KRI1: variants seen among roughly 807,000 people sequenced by gnomAD.
KRI1 encodes KRI1 homolog.
A neutral mutation model predicts 97.0 loss-of-function variants in KRI1; 83 were observed. That is an observed-to-expected ratio of 0.86 (90% CI 0.72 to 1.03). The LOEUF (loss-of-function observed/expected upper bound fraction) is 1.03. Among genes scored for constraint, KRI1 ranks in the 50% least tolerant of loss-of-function variants. The probability of loss-of-function intolerance (pLI) is 0.00; values close to 1 mark genes in which losing one functional copy is unlikely to be tolerated. For synonymous variants in KRI1, 371 were observed against 363.5 expected (o/e 1.02, Z -0.23); for missense variants, 916 against 928.4 (o/e 0.99, Z 0.17).
Position 10,553,216 on chromosome 19 carries a change from C to T in KRI1, c.*735G>A, listed in dbSNP as rs1047591625. On this transcript the variant is annotated 3_prime_UTR_variant, in exon 19 of 19. Transcript: ENST00000312962. ...TGCAACCAGTCTGGGGCCATTCAGC[C>T]AGGGACAGAGCCCACAGAGCCCATA... 1.9e-6 allele frequency: 2 copies of T among 1,041,346 alleles called. No homozygotes were observed. The highest frequency in any genetic ancestry group is 1.7e-5 in the South Asian group (1 of 58,408). 64.5% of individuals were successfully genotyped at this position (1,041,346 alleles called of 1,614,324 possible).
At chr19:10,565,098 C>G in intron 2 of KRI1, 64 bp from the exon 3 acceptor site, 1 of 1,056,752 alleles carries the variant, frequency 9.5e-7, no homozygotes, top group Non-Finnish European at 1.5e-6. Flanking sequence ...CTGGCGCCAG[C>G]AGGTGAGCTC....
chr19:10,553,197 C>T lies in KRI1; in HGVS notation c.*754G>A, dbSNP rs982508886. 3 of 1,151,318 alleles carry T rather than the reference C, an allele frequency of 2.6e-6. No homozygotes were observed. The highest frequency in any genetic ancestry group is 3.1e-5 in the African/African-American group (2 of 64,036). The allele number at this position is 1,151,318 out of a possible 1,614,324, so 71.3% of individuals were successfully genotyped here. A position where few individuals can be genotyped will look rare whatever the true frequency, so the allele number is the denominator to read the frequency against. ...TCAGCCCCTCAAGCCCAGCTGCAAC[C>T]AGTCTGGGGCCATTCAGCCAGGGAC... On this transcript the variant is annotated 3_prime_UTR_variant, in exon 19 of 19. Coordinates refer to ENST00000312962, the MANE Select transcript of KRI1 (RefSeq NM_023008.5).
chr19:10,562,009 T>C (rs1916717813), intron 4 of KRI1, among the ~76,000 whole-genome samples, 164 bp from the exon 5 acceptor site: 1 of 149,838 alleles, frequency 6.7e-6, no homozygotes, highest in Admixed American at 6.7e-5. Flanking sequence ...CTGGTGAGTT[T>C]CCAGCGTTTT....
At chr19:10,561,462 C>G (rs1426731226) in intron 6 of KRI1, among the ~76,000 whole-genome samples, 197 bp from the exon 7 acceptor site, 2 of 152,148 alleles carry the variant, frequency 1.3e-5, no homozygotes, top group Non-Finnish European at 2.9e-5. Context: ...ACCTGGCTGG[C>G]TGCCCCAAGA....
In KRI1 at chr19:10,561,732, T is replaced by C. The variant is rs371413420; in HGVS notation, c.439-16A>G. The stretch of plus-strand genomic sequence containing the variant: ...ACGATGTCTCCTGCAGAGAGGGCCA[T>C]AGGTCTCAGGCCAGCCCCAGGCCCC... On this transcript the variant is annotated splice_polypyrimidine_tract_variant and intron_variant, in intron 5 of 18. Transcript: ENST00000312962. 5.0e-6 allele frequency: 8 copies of C among 1,613,912 alleles called. No homozygotes were observed. The highest frequency in any genetic ancestry group is 4.5e-5 in the East Asian group (2 of 44,894).
In KRI1 at chr19:10,553,872, A is replaced by G. The variant is rs1916400192; in HGVS notation, c.*79T>C. 2.5e-6 allele frequency: 3 copies of G among 1,177,930 alleles called. No individual in the cohort carries two copies. The highest frequency in any genetic ancestry group is 3.5e-6 in the Non-Finnish European group (3 of 858,044). 73.0% of individuals were successfully genotyped at this position (1,177,930 alleles called of 1,614,324 possible). ...ACAGATGAGAGGATCTCTGCAGCAGATAGTACTTGTGGGTGCGAGACCTGT... is the reference window on the plus strand; with the variant it reads ...ACAGATGAGAGGATCTCTGCAGCAGGTAGTACTTGTGGGTGCGAGACCTGT... On this transcript the variant is annotated 3_prime_UTR_variant, in exon 19 of 19. Transcript: ENST00000312962.
intron 4 of KRI1, 83 bp from the exon 5 acceptor site, chr19:10,561,928 C>A: frequency 7.8e-7 from 1 of 1,283,148 alleles, no homozygotes; most frequent in Non-Finnish European, 1.1e-6. Flanking sequence ...CTATTCCAAG[C>A]AACAGCTGGC....
Position 10,565,762 on chromosome 19 carries a change from G to C in KRI1, c.123C>G (p.Ser41Arg). Residue 41 changes from serine to arginine, a missense_variant, in exon 2 of 19, where the codon AGC becomes AGG. Physicochemically the swap from Ser to Arg is moderately radical, Grantham distance 110. Around this residue, in one of 3 missense-constraint regions of KRI1, gnomAD observed 173 missense variants for 153.1 expected, o/e 1.13. Coordinates refer to ENST00000312962, the MANE Select transcript of KRI1 (RefSeq NM_023008.5). ...CCGACTCGGAGCTGGAGTCGCTGCTGCTGTCTCGGTCCCCGTAGCGATCCT... is the reference window on the plus strand; with the variant it reads ...CCGACTCGGAGCTGGAGTCGCTGCTCCTGTCTCGGTCCCCGTAGCGATCCT... ...RLKDRYGDRD[S>R]SSDSSSESDS... The C allele has an allele frequency of 1.3e-6, 2 of 1,580,478 alleles. No homozygotes were observed. The highest frequency in any genetic ancestry group is 1.7e-6 in the Non-Finnish European group (2 of 1,163,926).
rs1916816549 is a variant in KRI1 at position 10,564,957 on chromosome 19, C to T, written c.246G>A (p.Gln82=). The stretch of plus-strand genomic sequence containing the variant: ...TTCTGTTATAGAAGGTGGCATCTTT[C>T]TGATAAATGCGGGGGTCCTTCTTCT... ...LLKKKDPRIY[Q]KDATFYNRTA... The change falls in exon 3 of 19, where the codon CAG becomes CAA. Residue 82 remains glutamine, a synonymous_variant. Coordinates refer to ENST00000312962, the MANE Select transcript of KRI1 (RefSeq NM_023008.5). The T allele has an allele frequency of 6.2e-7, 1 of 1,613,502 alleles. No homozygotes were observed. The highest frequency in any genetic ancestry group is 8.5e-7 in the Non-Finnish European group (1 of 1,179,542).
chr19:10,560,146 G>A (rs1190983986), intron 9 of KRI1, among the ~76,000 whole-genome samples, 166 bp downstream of exon 9: 1 of 152,230 alleles, frequency 6.6e-6, no homozygotes, highest in African/African-American at 2.4e-5. Context: ...GTGCCACCTG[G>A]CTCCAGAGCC....
In KRI1 at chr19:10,553,259, C is replaced by T. The variant is rs1435001167; in HGVS notation, c.*692G>A. On this transcript the variant is annotated 3_prime_UTR_variant, in exon 19 of 19. Transcript: ENST00000312962. ...AGCCCATACACCTGTCTCCCACCAG[C>T]GGGGCCCTCCTGGCAGGGTAGGGAA... 1.0e-5 allele frequency: 7 copies of T among 699,312 alleles called. No homozygotes were observed. Among genetic ancestry groups the T allele is most frequent in the East Asian group, 2.8e-5 (1 of 35,444 alleles). The allele number at this position is 699,312 out of a possible 1,614,324, so 43.3% of individuals were successfully genotyped here. A position where few individuals can be genotyped will look rare whatever the true frequency, so the allele number is the denominator to read the frequency against.
Position 10,559,532 on chromosome 19 carries a change from G to A in KRI1, c.1024-3C>T, listed in dbSNP as rs1250267009. 1.2e-6 allele frequency: 2 copies of A among 1,613,872 alleles called. No individual in the cohort carries two copies. Among genetic ancestry groups the A allele is most frequent in the African/African-American group, 1.3e-5 (1 of 75,006 alleles). ...TCTTCCTGCTTCTTTGCTTTCTCCT[G>A]CAGGCCCAGGCAGAGAGGGGGAGGG... On this transcript the variant is annotated splice_polypyrimidine_tract_variant and splice_region_variant and intron_variant, in intron 11 of 18. Transcript: ENST00000312962.
intron 18 of KRI1, 130 bp from the exon 19 acceptor site, chr19:10,554,411 G>A (rs1916428357): frequency 2.6e-6 from 2 of 767,254 alleles, no homozygotes; most frequent in South Asian, 3.5e-5. Flanking sequence ...CCGAGGGCCT[G>A]CCTGGGATTC....
rs775883149 is a variant in KRI1, at chr19:10,559,456, T to A, written c.1097A>T (p.Glu366Val). The change falls in exon 12 of 19, where the codon GAG (glutamate) becomes GTG (valine). Residue 366 changes from glutamate to valine, a missense_variant. Around this residue, in one of 3 missense-constraint regions of KRI1, gnomAD observed 672 missense variants for 667.2 expected, o/e 1.01. Transcript: ENST00000312962. ...GTTGCCTGTTACTTTCCGCAGCTTC[T>A]CCAGCTTGGCCAGAATCTCCTTCCT... Reference protein sequence around the residue: ...LKRKEILAKLEKLRKVTGNEM... With the variant: ...LKRKEILAKLVKLRKVTGNEM... 8.7e-6 allele frequency: 14 copies of A among 1,614,062 alleles called. No homozygotes were observed. Among genetic ancestry groups the A allele is most frequent in the Non-Finnish European group, 5.9e-6 (7 of 1,180,026 alleles).
rs1568424847 is a variant in KRI1, at chr19:10,564,992, A to G, written c.211T>C (p.Ser71Pro). ...QQERDFYKTLSLLKKKDPRIY... is the reference protein window; with the variant it reads ...QQERDFYKTLPLLKKKDPRIY... The stretch of plus-strand genomic sequence containing the variant: ...CGGGGGTCCTTCTTCTTCAACAAGG[A>G]GAGCGTTTTGTAAAAGTCCCGCTCC... The change falls in exon 3 of 19, where the codon TCC (serine) becomes CCC (proline). Residue 71 changes from serine (S) to proline (P), a missense_variant. Ser to Pro is a moderately conservative substitution (Grantham distance 74). Around this residue, in one of 3 missense-constraint regions of KRI1, gnomAD observed 173 missense variants for 153.1 expected, o/e 1.13. Transcript: ENST00000312962. The G allele has an allele frequency of 6.2e-7, 1 of 1,613,840 alleles. No individual in the cohort carries two copies.
chr19:10,561,115 C>A (rs751381324), intron 7 of KRI1, 35 bp from the exon 8 acceptor site: 1 of 1,612,478 alleles, frequency 6.2e-7, no homozygotes, highest in South Asian at 1.1e-5. Context: ...TCCGCAGATG[C>A]CCAGCCACCC....
chr19:10,557,117 C>CT (rs71162095), intron 16 of KRI1, among the ~76,000 whole-genome samples: 31,611 of 137,080 alleles, frequency 0.23, 4,591 homozygotes, highest in East Asian at 0.69. Context: ...ATTAGCATTT[C>CT]TTTTTTTTTT....
intron 7 of KRI1, 24 bp from the exon 8 acceptor site, chr19:10,561,104 A>G (rs769706546): frequency 6.2e-7 from 1 of 1,613,468 alleles, no homozygotes; most frequent in Non-Finnish European, 8.5e-7. Context: ...AGCACTGAGC[A>G]TCCGCAGATG....
Position 10,555,176 on chromosome 19 carries a change from C to T in KRI1, c.1692G>A (p.Gln564=). 2 of 1,614,212 alleles carry T rather than the reference C, an allele frequency of 1.2e-6. No individual in the cohort carries two copies. The highest frequency in any genetic ancestry group is 1.7e-6 in the Non-Finnish European group (2 of 1,180,028). ...ACGCCCGCTTGTCCCGCAGCTCCTCCTGCTCTGACCTGCAGACAGATGCCC... is the reference window on the plus strand; with the variant it reads ...ACGCCCGCTTGTCCCGCAGCTCCTCTTGCTCTGACCTGCAGACAGATGCCC... The part of the protein sequence containing the change: ...LKKTCMYRSE[Q]EELRDKRAYS... Residue 564 remains glutamine, a synonymous_variant, in exon 18 of 19, where the codon CAG becomes CAA. Transcript: ENST00000312962.
Sources: allele counts gnomAD v4.1 joint callset (sites outside exome capture counted in the v4.1 genomes callset), GRCh38; gene constraint gnomAD v4.1.1; regional missense constraint gnomAD v4.1.1; transcripts MANE v1.5; gene names NCBI Gene and HGNC (gene_info 2026-07-23, HGNC 2026-07-21).